Variants in GLIS3 observed in about 807,000 individuals in gnomAD.
GLIS3 encodes GLIS family zinc finger 3.
GLIS3 carries 53 observed loss-of-function variants against 78.6 expected under a neutral mutation model. The observed-to-expected ratio is 0.67, with a 90% CI of 0.54 to 0.85. The LOEUF is 0.85. GLIS3 is among the 40% of genes least tolerant of loss of function. The probability of loss-of-function intolerance (pLI) is 0.00; values close to 1 mark genes in which losing one functional copy is unlikely to be tolerated. For synonymous variants in GLIS3, 684 were observed against 509.9 expected (o/e 1.34, Z -4.60); for missense variants, 1,703 against 1,231.1 (o/e 1.38, Z -5.74).
chr9:4,063,268 A>G (rs1220657218), intron 4 of GLIS3, among the ~76,000 whole-genome samples: 1 of 152,218 alleles, frequency 6.6e-6, no homozygotes, highest in Non-Finnish European at 1.5e-5. Flanking sequence ...TACCTTTTAT[A>G]AAACATGTAA....
chr9:4,303,107 C>A (rs981502919), upstream of GLIS3, among the ~76,000 whole-genome samples: 1 of 129,786 alleles, frequency 7.7e-6, no homozygotes, highest in Admixed American at 8.2e-5. Flanking sequence ...TTTGAGTCAC[C>A]CTGAGTGCTC....
chr9:3,953,528 T>G (rs777754280), intron 4 of GLIS3, among the ~76,000 whole-genome samples: 4 of 152,176 alleles, frequency 2.6e-5, no homozygotes, highest in Non-Finnish European at 4.4e-5. Flanking sequence ...TTTGAGTTGT[T>G]TCTTCAAACA....
intron 6 of GLIS3, among the ~76,000 whole-genome samples, chr9:3,913,983 G>A (rs1824320646): frequency 6.6e-6 from 1 of 152,124 alleles, no homozygotes; most frequent in African/African-American, 2.4e-5. Flanking sequence ...CTTTGGGGTA[G>A]GCCCCAAAGA....
intron 2 of GLIS3, among the ~76,000 whole-genome samples, chr9:4,140,932 G>A (rs1353678127): frequency 1.3e-5 from 2 of 152,030 alleles, no homozygotes; most frequent in Non-Finnish European, 2.9e-5. Flanking sequence ...CTGAGTAGCT[G>A]GGATTATCGG....
rs139816116 is a variant in GLIS3, at chr9:4,097,991, C to T, written c.1710+19777G>A. Among the ~76,000 whole-genome samples, 7 of 152,246 alleles carry T rather than the reference C, an allele frequency of 4.6e-5. No individual in the cohort carries two copies. In the East Asian group the frequency reaches 5.8e-4, roughly 13 times the overall value. On this transcript the variant is annotated intron_variant, in intron 4 of 10. Coordinates refer to ENST00000381971, the MANE Select transcript of GLIS3 (RefSeq NM_001042413.2). ...TTGTCATATTACTCTTACAGTTTTA[C>T]GTATATCAGAAATAGTTCATAACTT...
intron 4 of GLIS3, among the ~76,000 whole-genome samples, chr9:4,044,910 G>C (rs1825124112): frequency 6.6e-6 from 1 of 152,024 alleles, no homozygotes; most frequent in Non-Finnish European, 1.5e-5. Flanking sequence ...AGAATGCAGT[G>C]GGTGAGGAAA....
At chr9:4,304,959 C>G (rs956779816), upstream of GLIS3, among the ~76,000 whole-genome samples, 1 of 152,184 alleles carries the variant, frequency 6.6e-6, no homozygotes, top group Non-Finnish European at 1.5e-5. Context: ...CAATTGCCCC[C>G]AAAGCAGACC....
Position 3,828,403 on chromosome 9 carries a change from C to T in GLIS3, c.2662G>A (p.Asp888Asn). The change falls in exon 11 of 11, where the codon GAT becomes AAT. Residue 888 changes from aspartate to asparagine, a missense_variant. Transcript: ENST00000381971. Reference sequence around the variant, plus strand: ...AGGCTCGAGGAACTTGAAGGTAAATCATACACTGGAAGAGAAAGAACGCAG... The same window carrying T: ...AGGCTCGAGGAACTTGAAGGTAAATTATACACTGGAAGAGAAAGAACGCAG... ...FSTHSGITVY[D>N]LPSSSSSLFG... The T allele has an allele frequency of 1.2e-6, 2 of 1,613,118 alleles. No homozygotes were observed. Among genetic ancestry groups the T allele is most frequent in the Non-Finnish European group, 1.7e-6 (2 of 1,180,000 alleles).
chr9:4,371,241 A>G, the GLIS3 span, among the ~76,000 whole-genome samples: 1 of 152,184 alleles, frequency 6.6e-6, no homozygotes, highest in Admixed American at 6.5e-5. Flanking sequence ...CTTGCTCAGG[A>G]CAAATCCTGG....
the GLIS3 span, among the ~76,000 whole-genome samples, chr9:4,445,254 T>C: frequency 1.3e-5 from 2 of 152,218 alleles, no homozygotes; most frequent in Non-Finnish European, 2.9e-5. Flanking sequence ...TTGAAAACTG[T>C]AAAGTGCTGT....
the GLIS3 span, among the ~76,000 whole-genome samples, chr9:4,382,215 T>C: frequency 3.3e-5 from 5 of 151,892 alleles, no homozygotes; most frequent in Admixed American, 3.3e-4. Context: ...GAATGACACA[T>C]CTGGAAAAAT....
intron 9 of GLIS3, among the ~76,000 whole-genome samples, chr9:3,833,430 C>T (rs1480613429): frequency 1.3e-5 from 2 of 152,188 alleles, no homozygotes; most frequent in African/African-American, 2.4e-5. Context: ...TGAATGGCTC[C>T]TGCATTCCAG....
intron 2 of GLIS3, among the ~76,000 whole-genome samples, chr9:4,179,768 G>T (rs1439401831): frequency 6.6e-6 from 1 of 151,974 alleles, no homozygotes. Context: ...AAATTAGCCG[G>T]GTTTGGTGGC....
chr9:4,024,025 C>CA (rs148648529), intron 4 of GLIS3, among the ~76,000 whole-genome samples: 3,650 of 130,910 alleles, frequency 0.028, 61 homozygotes, highest in Middle Eastern at 0.13. Flanking sequence ...GAAGGAAAAA[C>CA]AAAAAAAAAC....
the GLIS3 span, among the ~76,000 whole-genome samples, chr9:4,457,115 A>G: frequency 1.3e-5 from 2 of 152,220 alleles, no homozygotes; most frequent in Non-Finnish European, 2.9e-5. Flanking sequence ...ATAATCTCAG[A>G]GCTTTGGGAG....
chr9:4,001,060 T>C (rs1821094603), intron 4 of GLIS3, among the ~76,000 whole-genome samples: 1 of 152,222 alleles, frequency 6.6e-6, no homozygotes, highest in Non-Finnish European at 1.5e-5. Context: ...TAATTTTATG[T>C]CATGCACTGT....
the GLIS3 span, among the ~76,000 whole-genome samples, chr9:4,453,356 A>AAAAG: frequency 2.0e-5 from 3 of 150,106 alleles, no homozygotes; most frequent in South Asian, 2.1e-4. Flanking sequence ...AAAAAAAAAA[A>AAAAG]AAAAAAAAGA....
At chr9:4,084,229 ATCTC>A (rs1229685934) in intron 4 of GLIS3, among the ~76,000 whole-genome samples, 2 of 139,660 alleles carry the variant, frequency 1.4e-5, no homozygotes, top group African/African-American at 2.6e-5. Context: ...GCAATGTGTA[ATCTC>A]TCTCTCCTTC....
intron 4 of GLIS3, among the ~76,000 whole-genome samples, chr9:4,029,424 C>A (rs1368822917): frequency 1.3e-5 from 2 of 150,474 alleles, no homozygotes; most frequent in Non-Finnish European, 2.9e-5. Flanking sequence ...AATGTGTTAT[C>A]CGTCCCCTTA....
Sources: allele counts gnomAD v4.1 joint callset (sites outside exome capture counted in the v4.1 genomes callset), GRCh38; gene constraint gnomAD v4.1.1; transcripts MANE v1.5; gene names NCBI Gene and HGNC (gene_info 2026-07-23, HGNC 2026-07-21).